The following PPP2R5E variants were observed in gnomAD, a reference collection of about 807,000 sequenced individuals.
PPP2R5E encodes the protein serine/threonine-protein phosphatase 2A 56 kDa regulatory subunit epsilon isoform.
A neutral mutation model predicts 65.3 loss-of-function variants in PPP2R5E; 4 were observed. The observed-to-expected ratio is 0.06, with a 90% CI of 0.03 to 0.14. The LOEUF is 0.14. Ranked by LOEUF, PPP2R5E falls within the 10% of genes least tolerant of loss-of-function variation. PPP2R5E has a pLI of 1.00. For missense variants in PPP2R5E, 274 were observed against 556.1 expected (o/e 0.49, Z 5.10); for synonymous variants, 183 against 187.4 (o/e 0.98, Z 0.19).
rs575407171 is a variant in PPP2R5E, at chr14:63,456,180, C to T, written c.158-2295G>A. On this transcript the variant is annotated intron_variant, in intron 2 of 13. Transcript: ENST00000337537. ...TAAAGTCTAAAAATCAGACTATCTA[C>T]ATGTTGAACTCCTTAACATAGCATA... is the stretch of plus-strand genomic sequence containing the variant. Among the ~76,000 whole-genome samples, 3 of 152,336 alleles carry T rather than the reference C, an allele frequency of 2.0e-5. No individual in the cohort carries two copies. In the South Asian group the frequency reaches 6.2e-4, roughly 32 times the overall value.
intron 7 of PPP2R5E, among the ~76,000 whole-genome samples, chr14:63,394,880 C>T (rs1885233945): frequency 6.6e-6 from 1 of 152,190 alleles, no homozygotes; most frequent in Non-Finnish European, 1.5e-5. Flanking sequence ...TATAAACTTG[C>T]TTTCAACAGA....
rs1351478162 is a variant in PPP2R5E at position 63,393,876 on chromosome 14, C to G, written c.793G>C (p.Val265Leu). The G allele has an allele frequency of 6.2e-7, 1 of 1,612,234 alleles. No individual in the cohort carries two copies. The highest frequency in any genetic ancestry group is 8.5e-7 in the Non-Finnish European group (1 of 1,178,478). ...GTGTGTAAAGGGATCAATACTTTCACCAGAAACTGTTTGTGTTCTGCCTTA... is the reference window on the plus strand; with the variant it reads ...GTGTGTAAAGGGATCAATACTTTCAGCAGAAACTGTTTGTGTTCTGCCTTA... ...PLKAEHKQFLVKVLIPLHTVR... is the reference protein window; with the variant it reads ...PLKAEHKQFLLKVLIPLHTVR... Residue 265 changes from valine to leucine, a missense_variant, in exon 8 of 14, where the codon GTG (valine) becomes CTG (leucine). Val to Leu is a conservative substitution (Grantham distance 32, BLOSUM62 1). This residue lies in a region of PPP2R5E where 129 missense variants were observed against 254.9 expected (regional missense o/e 0.51). Coordinates refer to ENST00000337537, the MANE Select transcript of PPP2R5E (RefSeq NM_006246.5).
intron 2 of PPP2R5E, among the ~76,000 whole-genome samples, chr14:63,529,220 A>ATC (rs1298784927): frequency 6.6e-6 from 1 of 152,060 alleles, no homozygotes; most frequent in African/African-American, 2.4e-5. Flanking sequence ...CGTCCTCCCA[A>ATC]AGTGCTGGGA....
intron 13 of PPP2R5E, among the ~76,000 whole-genome samples, chr14:63,379,824 CTCTTT>C (rs1884212948): frequency 8.6e-6 from 1 of 115,982 alleles, no homozygotes; most frequent in South Asian, 2.4e-4. Flanking sequence ...AATATTCTCT[CTCTTT>C]TTTTTTTTTT....
chr14:63,477,167 TA>T (rs955498109), intron 2 of PPP2R5E, among the ~76,000 whole-genome samples: 16 of 152,160 alleles, frequency 1.1e-4, no homozygotes, highest in African/African-American at 3.6e-4. Context: ...CCATTCTCAT[TA>T]AAAAATTAAG....
At chr14:63,387,377 T>C (rs1224708026) in intron 11 of PPP2R5E, among the ~76,000 whole-genome samples, 1 of 152,200 alleles carries the variant, frequency 6.6e-6, no homozygotes, top group Non-Finnish European at 1.5e-5. Context: ...AGTTAAAAAT[T>C]ACTGTGTCTG....
intron 3 of PPP2R5E, among the ~76,000 whole-genome samples, chr14:63,448,787 C>CAAAAAA (rs36096050): frequency 4.6e-4 from 40 of 86,576 alleles, no homozygotes; most frequent in African/African-American, 1.3e-3. Flanking sequence ...AAGACTTCGT[C>CAAAAAA]AAAAAAAAAA....
intron 2 of PPP2R5E, among the ~76,000 whole-genome samples, chr14:63,528,071 A>C (rs1893255322): frequency 3.0e-5 from 4 of 131,228 alleles, no homozygotes. Flanking sequence ...ATAAGTTTTC[A>C]AAAAAAAAAC....
At chr14:63,389,412 T>C (rs1884876692) in intron 11 of PPP2R5E, among the ~76,000 whole-genome samples, 200 bp downstream of exon 11, 1 of 152,000 alleles carries the variant, frequency 6.6e-6, no homozygotes, top group Non-Finnish European at 1.5e-5. Flanking sequence ...AGAATTAAAG[T>C]TACTGGAGAG....
At chr14:63,390,806 C>G (rs1884977835) in intron 10 of PPP2R5E, among the ~76,000 whole-genome samples, 1 of 152,100 alleles carries the variant, frequency 6.6e-6, no homozygotes, top group African/African-American at 2.4e-5. Context: ...TTTTTCTGAG[C>G]CATTTTCCAC....
At chr14:63,479,984 C>A (rs1890610774) in intron 2 of PPP2R5E, among the ~76,000 whole-genome samples, 1 of 152,124 alleles carries the variant, frequency 6.6e-6, no homozygotes. Flanking sequence ...AGAATTTTTG[C>A]TTTGTTTTTC....
intron 3 of PPP2R5E, among the ~76,000 whole-genome samples, chr14:63,447,870 G>A (rs917122328): frequency 2.6e-5 from 4 of 152,212 alleles, no homozygotes; most frequent in South Asian, 2.1e-4. Flanking sequence ...GTTGTGTCTC[G>A]GGGAATAGGG....
intron 2 of PPP2R5E, among the ~76,000 whole-genome samples, chr14:63,518,188 G>C (rs1425800829): frequency 1.3e-5 from 2 of 152,106 alleles, no homozygotes; most frequent in Admixed American, 1.3e-4. Context: ...CAATCCTCCT[G>C]CCTCAGTCTC....
chr14:63,514,662 T>C (rs116892466), intron 2 of PPP2R5E, among the ~76,000 whole-genome samples: 7 of 152,184 alleles, frequency 4.6e-5, no homozygotes, highest in Admixed American at 4.6e-4. Context: ...CCTCAGCAGG[T>C]ACTCTAAGCA....
chr14:63,493,474 CCG>C (rs201885257), intron 2 of PPP2R5E, among the ~76,000 whole-genome samples: 4 of 125,732 alleles, frequency 3.2e-5, no homozygotes, highest in African/African-American at 1.1e-4. Context: ...TGCCAAATTA[CCG>C]CGCGCGCGTG....
At chr14:63,530,863 C>T (rs1340362874) in intron 2 of PPP2R5E, among the ~76,000 whole-genome samples, 2 of 151,796 alleles carry the variant, frequency 1.3e-5, no homozygotes, top group South Asian at 4.2e-4. Flanking sequence ...GTGATCCACC[C>T]GCCTCAGCCT....
At chr14:63,521,256 T>C (rs1299420426) in intron 2 of PPP2R5E, among the ~76,000 whole-genome samples, 2 of 152,212 alleles carry the variant, frequency 1.3e-5, no homozygotes, top group Non-Finnish European at 2.9e-5. Flanking sequence ...TATAATACAA[T>C]ATAGCTCTAT....
chr14:63,506,324 G>A (rs1053747738), intron 2 of PPP2R5E, among the ~76,000 whole-genome samples: 6 of 152,022 alleles, frequency 3.9e-5, no homozygotes, highest in Admixed American at 3.3e-4. Context: ...GGTGGCGGGC[G>A]CCTGTAGTCC....
intron 3 of PPP2R5E, among the ~76,000 whole-genome samples, chr14:63,446,224 C>T (rs1019023030): frequency 1.3e-5 from 2 of 152,208 alleles, no homozygotes; most frequent in Non-Finnish European, 2.9e-5. Flanking sequence ...CACATCTGCA[C>T]TGCAGCTACT....
Sources: allele counts gnomAD v4.1 joint callset (sites outside exome capture counted in the v4.1 genomes callset), GRCh38; gene constraint gnomAD v4.1.1; regional missense constraint gnomAD v4.1.1; transcripts MANE v1.5; gene names NCBI Gene and HGNC (gene_info 2026-07-23, HGNC 2026-07-21).